DPYD: variants seen among roughly 807,000 people sequenced by gnomAD.
DPYD encodes the protein dihydropyrimidine dehydrogenase [NADP(+)].
In DPYD, 109 loss-of-function variants were observed where a neutral mutation model predicts 116.2. The observed-to-expected ratio is 0.94, with a 90% CI of 0.80 to 1.10. The LOEUF is 1.10. Among genes scored for constraint, DPYD ranks in the 50% least tolerant of loss-of-function variants. The pLI, the probability that DPYD is intolerant of heterozygous loss-of-function variation, is 0.00. For missense variants in DPYD, 1,302 were observed against 1,254.5 expected (o/e 1.04, Z -0.57); for synonymous variants, 440 against 432.0 (o/e 1.02, Z -0.23).
At chr1:97,817,971 T>G (rs1421665656) in intron 3 of DPYD, among the ~76,000 whole-genome samples, 1 of 152,084 alleles carries the variant, frequency 6.6e-6, no homozygotes, top group Non-Finnish European at 1.5e-5. Context: ...GAGTAACGAC[T>G]TAGCTCTGCA....
chr1:97,254,991 G>T (rs888878557), intron 18 of DPYD, among the ~76,000 whole-genome samples: 4 of 152,138 alleles, frequency 2.6e-5, no homozygotes, highest in Non-Finnish European at 5.9e-5. Context: ...CTCTGTGGTT[G>T]TGGTAAACTG....
At chr1:97,907,422 A>C (rs1278989268) in intron 1 of DPYD, among the ~76,000 whole-genome samples, 1 of 152,080 alleles carries the variant, frequency 6.6e-6, no homozygotes, top group South Asian at 2.1e-4. Context: ...ATTTCTTCCA[A>C]ACAACAACAT....
rs72197937 is a variant in DPYD, at chr1:97,778,188, AAGAGAGAGAG to A, written c.234-37719_234-37710del. 6.2e-3 allele frequency among the ~76,000 whole-genome samples: 658 copies of A among 106,256 alleles called. 7 individuals carry two copies. Among genetic ancestry groups the A allele is most frequent in the African/African-American group, 0.013 (376 of 28,832 alleles). 69.7% of individuals were successfully genotyped at this position (106,256 alleles called of 152,430 possible). On this transcript the variant is annotated intron_variant, in intron 3 of 22. Transcript: ENST00000370192. The stretch of plus-strand genomic sequence containing the variant: ...AAAAAAAAAAAGAAAGAAAGAAAGA[AAGAGAGAGAG>A]AGAGAGAGAGAGAGAGAGAGAGGGA...
At chr1:97,140,022 A>ATT (rs796701262) in intron 20 of DPYD, among the ~76,000 whole-genome samples, 1,913 of 146,684 alleles carry the variant, frequency 0.013, 34 homozygotes, top group African/African-American at 0.045. Context: ...GGCAACTGAC[A>ATT]TTTTTTTTTT....
intron 19 of DPYD, among the ~76,000 whole-genome samples, chr1:97,198,381 A>G (rs967574967): frequency 2.6e-5 from 4 of 152,208 alleles, no homozygotes; most frequent in Admixed American, 2.6e-4. Flanking sequence ...ACTACTTATA[A>G]TAAGAAGTCA....
intron 14 of DPYD, among the ~76,000 whole-genome samples, chr1:97,388,044 G>A (rs1166224383): frequency 1.3e-5 from 2 of 152,136 alleles, no homozygotes; most frequent in Non-Finnish European, 2.9e-5. Flanking sequence ...TTGAAATAAT[G>A]TGGCTTTCAT....
chr1:97,721,681 T>G lies in DPYD; in HGVS notation c.322-10A>C, dbSNP rs374956654. ...CAGCTCCATAATAGTTCTGCAAAAT[T>G]AATACAAAATAAAATTTTACTACTT... On this transcript the variant is annotated splice_polypyrimidine_tract_variant and intron_variant, in intron 4 of 22. Transcript: ENST00000370192. 8 of 1,609,466 alleles carry G rather than the reference T, an allele frequency of 5.0e-6. No individual in the cohort carries two copies. The highest frequency in any genetic ancestry group is 6.8e-6 in the Non-Finnish European group (8 of 1,177,140).
intron 15 of DPYD, among the ~76,000 whole-genome samples, chr1:97,374,317 T>C (rs555295573): frequency 6.6e-6 from 1 of 152,356 alleles, no homozygotes; most frequent in East Asian, 1.9e-4. Flanking sequence ...ATAGATCTTG[T>C]ATAAATGAAC....
At chr1:97,663,971 A>G (rs1659410807) in intron 8 of DPYD, among the ~76,000 whole-genome samples, 1 of 152,174 alleles carries the variant, frequency 6.6e-6, no homozygotes, top group Admixed American at 6.5e-5. Context: ...ATTGTGTTAT[A>G]TATTGTGGGA....
At chr1:97,107,819 G>GT (rs1231213973) in intron 20 of DPYD, among the ~76,000 whole-genome samples, 2 of 152,136 alleles carry the variant, frequency 1.3e-5, no homozygotes. Context: ...TAAGGTAGGT[G>GT]TTTAATATGC....
At chr1:97,460,600 T>C (rs578223148) in intron 13 of DPYD, among the ~76,000 whole-genome samples, 1 of 152,270 alleles carries the variant, frequency 6.6e-6, no homozygotes, top group South Asian at 2.1e-4. Context: ...CCCCATCTCT[T>C]GTTCTTTCTT....
At chr1:97,783,786 C>T (rs557440042) in intron 3 of DPYD, among the ~76,000 whole-genome samples, 2 of 152,322 alleles carry the variant, frequency 1.3e-5, no homozygotes, top group East Asian at 3.9e-4. Context: ...CGGAAGACAA[C>T]TCATTCAGAG....
rs71071673 is a variant in DPYD, at chr1:97,814,903, C to CA, written c.233+13210dup. Among the ~76,000 whole-genome samples the CA allele has an allele frequency of 1.5e-3, 98 of 63,638 alleles. 3 individuals are homozygous for CA. Among genetic ancestry groups the CA allele is most frequent in the African/African-American group, 3.4e-3 (70 of 20,356 alleles). The allele number at this position is 63,638 out of a possible 152,430, so 41.7% of individuals were successfully genotyped here. On this transcript the variant is annotated intron_variant, in intron 3 of 22. Coordinates refer to ENST00000370192, the MANE Select transcript of DPYD (RefSeq NM_000110.4). ...TACGCGACAGAGTGAGACCCTGTCT[C>CA]AAAAAAAAAAAAAAAAAAGAAAGAG...
At chr1:97,849,582 G>A (rs1286168589) in intron 2 of DPYD, among the ~76,000 whole-genome samples, 1 of 151,456 alleles carries the variant, frequency 6.6e-6, no homozygotes, top group Non-Finnish European at 1.5e-5. Context: ...GAAACTGACA[G>A]AGCCTAGATG....
At chr1:97,872,145 G>C (rs908159846) in intron 2 of DPYD, among the ~76,000 whole-genome samples, 1 of 151,772 alleles carries the variant, frequency 6.6e-6, no homozygotes, top group Non-Finnish European at 1.5e-5. Flanking sequence ...TGAGCTCTTT[G>C]GGTTCCACTG....
In DPYD at chr1:97,909,642, G is replaced by GA. The variant is rs533395336; in HGVS notation, c.39+11241dup. On this transcript the variant is annotated intron_variant, in intron 1 of 22. Coordinates refer to ENST00000370192, the MANE Select transcript of DPYD (RefSeq NM_000110.4). Reference sequence around the variant, plus strand: ...CAACTACCCTCCCAACAGCAGACAAGAAAGTTGACTATATACACATCCTTC... The same window carrying GA: ...CAACTACCCTCCCAACAGCAGACAAGAAAAGTTGACTATATACACATCCTTC... 2.8e-4 allele frequency among the ~76,000 whole-genome samples: 43 copies of GA among 152,082 alleles called. No homozygotes were observed. In the South Asian group the frequency reaches 8.5e-3, roughly 30 times the overall value.
rs367867890 is a variant in DPYD at position 97,661,369 on chromosome 1, C to T, written c.850+17726G>A. Among the ~76,000 whole-genome samples, 52 of 152,132 alleles carry T rather than the reference C, an allele frequency of 3.4e-4. 1 individual carries two copies. In the East Asian group the frequency reaches 4.5e-3, roughly 13 times the overall value. On this transcript the variant is annotated intron_variant, in intron 8 of 22. Coordinates refer to ENST00000370192, the MANE Select transcript of DPYD (RefSeq NM_000110.4). Reference sequence around the variant, plus strand: ...GGTAGAGACCATATGTTCAATTATTCGGCATTATGGAAACATATAGAATCG... The same window carrying T: ...GGTAGAGACCATATGTTCAATTATTTGGCATTATGGAAACATATAGAATCG...
intron 13 of DPYD, among the ~76,000 whole-genome samples, chr1:97,472,979 G>A (rs889580628): frequency 6.6e-6 from 1 of 152,026 alleles, no homozygotes; most frequent in African/African-American, 2.4e-5. Flanking sequence ...TTTTTGTGGT[G>A]AGAATATTTA....
intron 13 of DPYD, among the ~76,000 whole-genome samples, chr1:97,512,399 A>T (rs1647865970): frequency 1.3e-5 from 2 of 151,916 alleles, no homozygotes; most frequent in South Asian, 2.1e-4. Context: ...ATCTATGTAT[A>T]GAAAGGGCTT....
Sources: gnomAD v4.1 joint callset for allele counts (sites outside exome capture counted in the v4.1 genomes callset) on GRCh38, gnomAD v4.1.1 for gene constraint, MANE v1.5 for transcripts, NCBI Gene and HGNC (gene_info 2026-07-23, HGNC 2026-07-21) for gene names.